The following PARD3 variants were observed in gnomAD, a reference collection of about 807,000 sequenced individuals.
PARD3 encodes partitioning defective 3 homolog.
PARD3 carries 75 observed loss-of-function variants against 155.4 expected under a neutral mutation model. The observed-to-expected ratio is 0.48, with a 90% confidence interval of 0.40 to 0.58. The LOEUF (loss-of-function observed/expected upper bound fraction) is 0.58, where lower values mean the gene tolerates loss of function less well. PARD3 is among the 20% of genes least tolerant of loss of function. The probability of loss-of-function intolerance (pLI) is 0.00; values close to 1 mark genes in which losing one functional copy is unlikely to be tolerated. For missense variants in PARD3, 1,642 were observed against 1,721.7 expected (o/e 0.95, Z 0.82); for synonymous variants, 576 against 610.5 (o/e 0.94, Z 0.83).
Position 34,298,652 on chromosome 10 carries a change from A to T in PARD3, c.3066-14407T>A, listed in dbSNP as rs534267954. 5.3e-5 allele frequency among the ~76,000 whole-genome samples: 8 copies of T among 152,322 alleles called. No individual in the cohort carries two copies. The South Asian group carries it at 1.2e-3, about 24-fold the overall frequency. The stretch of plus-strand genomic sequence containing the variant: ...AGTTTCGCAAGACGAAAGGCGTTCT[A>T]GAAACTAATGGTGGCGGTGAAGTGC... On this transcript the variant is annotated intron_variant, in intron 20 of 24. Coordinates refer to ENST00000374788, the MANE Select transcript of PARD3 (RefSeq NM_001184785.2).
At chr10:34,557,058 T>C (rs992440867) in intron 2 of PARD3, among the ~76,000 whole-genome samples, 1 of 152,178 alleles carries the variant, frequency 6.6e-6, no homozygotes, top group Non-Finnish European at 1.5e-5. Flanking sequence ...CAATGTTCAA[T>C]GGACCCAGGG....
At chr10:34,812,910 A>AAATAT in intron 1 of PARD3, among the ~76,000 whole-genome samples, 1 of 152,126 alleles carries the variant, frequency 6.6e-6, no homozygotes, top group African/African-American at 2.4e-5. Context: ...GTTAATAAGG[A>AAATAT]CCAGGTCCGT....
At position 34,517,069 on chromosome 10, in the gene PARD3, C is replaced by T; in HGVS notation, c.313G>A (p.Gly105Ser). ...ACATTGTTGGTGCCAAGCTCACTAC[C>T]AAATATCTCTGGGCTCTGGGTACCC... ...STGTQSPEIF[G>S]SELGTNNVSA... The change falls in exon 3 of 25, where the codon GGT becomes AGT. Residue 105 changes from glycine to serine, a missense_variant. Gly to Ser is a moderately conservative substitution (Grantham distance 56). This residue lies in a region of PARD3 where 1,529 missense variants were observed against 1,587.3 expected (regional missense o/e 0.96). Transcript: ENST00000374788. 6.2e-7 allele frequency: 1 copy of T among 1,614,176 alleles called. No homozygotes were observed.
chr10:34,372,007 T>C (rs1000827553), intron 12 of PARD3, among the ~76,000 whole-genome samples: 9 of 152,176 alleles, frequency 5.9e-5, no homozygotes, highest in Non-Finnish European at 1.2e-4. Context: ...TCCTTAACTT[T>C]TGTTAAATTA....
chr10:34,667,265 T>C (rs968740072), intron 2 of PARD3, among the ~76,000 whole-genome samples: 1 of 152,160 alleles, frequency 6.6e-6, no homozygotes, highest in Non-Finnish European at 1.5e-5. Flanking sequence ...CAAATCTAGA[T>C]AGCTAGTAGG....
intron 22 of PARD3, among the ~76,000 whole-genome samples, chr10:34,169,162 T>C (rs556988841): frequency 2.8e-4 from 42 of 152,326 alleles, no homozygotes; most frequent in African/African-American, 8.2e-4. Context: ...GGGCTAGGTA[T>C]ATCAAAGACA....
chr10:34,288,914 C>A (rs74131675), intron 20 of PARD3, among the ~76,000 whole-genome samples: 1 of 152,144 alleles, frequency 6.6e-6, no homozygotes, highest in East Asian at 1.9e-4. Flanking sequence ...TACACTGGTA[C>A]CTCAGGAAGA....
At chr10:34,291,915 G>A (rs1023816592) in intron 20 of PARD3, among the ~76,000 whole-genome samples, 6 of 152,112 alleles carry the variant, frequency 3.9e-5, no homozygotes, top group Admixed American at 2.0e-4. Context: ...TTGCATTGCC[G>A]GTGGAAATTA....
At chr10:34,308,105 G>T (rs1489688669) in intron 20 of PARD3, among the ~76,000 whole-genome samples, 1 of 152,196 alleles carries the variant, frequency 6.6e-6, no homozygotes, top group Non-Finnish European at 1.5e-5. Context: ...AGTGGACCCG[G>T]TAGGTTCAGG....
rs998475414 is a variant in PARD3, at chr10:34,247,081, GA to G, written c.3419+22575del. 4.2e-3 allele frequency among the ~76,000 whole-genome samples: 588 copies of G among 138,762 alleles called. 2 individuals carry two copies. The highest frequency in any genetic ancestry group is 0.024 in the South Asian group (104 of 4,348). The allele number at this position is 138,762 out of a possible 152,430, so 91.0% of individuals were successfully genotyped here. On this transcript the variant is annotated intron_variant, in intron 22 of 24. Transcript: ENST00000374788. ...TCAGAGCAAGAGCCTCCTTCCAAAG[GA>G]AAAAAAAAAATGAAACCCAAGCCCT...
At chr10:34,231,260 C>T (rs2582856) in intron 22 of PARD3, among the ~76,000 whole-genome samples, 2 of 84,224 alleles carry the variant, frequency 2.4e-5, no homozygotes, top group Admixed American at 1.9e-4. Context: ...TTAATATAAT[C>T]TTAGGCAAAA....
chr10:34,600,519 A>G (rs188621790), intron 2 of PARD3, among the ~76,000 whole-genome samples: 119 of 152,296 alleles, frequency 7.8e-4, no homozygotes, highest in African/African-American at 2.8e-3. Context: ...GTCCACCAGA[A>G]TATCTGTACA....
At chr10:34,559,803 C>T (rs1047078788) in intron 2 of PARD3, among the ~76,000 whole-genome samples, 18 of 152,236 alleles carry the variant, frequency 1.2e-4, no homozygotes, top group Middle Eastern at 3.4e-3. Context: ...AGAATAGAAG[C>T]GACTGTAACA....
intron 22 of PARD3, among the ~76,000 whole-genome samples, chr10:34,145,720 T>A (rs191621974): frequency 6.6e-6 from 1 of 152,318 alleles, no homozygotes; most frequent in East Asian, 1.9e-4. Context: ...TTCTCTTCTC[T>A]TAATTTTATG....
intron 3 of PARD3, among the ~76,000 whole-genome samples, chr10:34,486,550 C>T (rs1053706209): frequency 6.6e-6 from 1 of 152,192 alleles, no homozygotes; most frequent in Non-Finnish European, 1.5e-5. Context: ...TTCAGTATGG[C>T]TGTACCAGAT....
chr10:34,284,391 G>A (rs1589050469), intron 20 of PARD3, 146 bp from the exon 21 acceptor site: 4 of 507,106 alleles, frequency 7.9e-6, no homozygotes, highest in East Asian at 6.8e-5. Context: ...GTTTGGGTCA[G>A]GACTAGTATT....
At chr10:34,756,447 C>A (rs1443256584) in intron 1 of PARD3, among the ~76,000 whole-genome samples, 1 of 146,342 alleles carries the variant, frequency 6.8e-6, no homozygotes, top group Admixed American at 6.9e-5. Flanking sequence ...GCCACCGCGC[C>A]CAGCCAATGC....
At chr10:34,455,542 G>A (rs1338124784) in intron 4 of PARD3, among the ~76,000 whole-genome samples, 1 of 151,540 alleles carries the variant, frequency 6.6e-6, no homozygotes, top group East Asian at 1.9e-4. Context: ...CGAGGCTGGA[G>A]CCTCGGCAAC....
rs2090234104 is a variant in PARD3 at position 34,605,588 on chromosome 10, TCTC to T, written c.223-88432_223-88430del. ...TATATATATATATCTCCTATATATA[TCTC>T]CTATATATATATATCTCCTATATAT... On this transcript the variant is annotated intron_variant, in intron 2 of 24. Coordinates refer to ENST00000374788, the MANE Select transcript of PARD3 (RefSeq NM_001184785.2). 4.1e-5 allele frequency among the ~76,000 whole-genome samples: 2 copies of T among 48,720 alleles called. 1 individual carries two copies. The highest frequency in any genetic ancestry group is 3.5e-4 in the African/African-American group (2 of 5,734). The allele number at this position is 48,720 out of a possible 152,430, so 32.0% of individuals were successfully genotyped here.
Sources: allele counts gnomAD v4.1 joint callset (sites outside exome capture counted in the v4.1 genomes callset), GRCh38; gene constraint gnomAD v4.1.1; regional missense constraint gnomAD v4.1.1; transcripts MANE v1.5; gene names NCBI Gene and HGNC (gene_info 2026-07-23, HGNC 2026-07-21).